The following GALC variants were observed in gnomAD, a reference collection of about 807,000 sequenced individuals.
GALC encodes galactosylceramidase.
A neutral mutation model predicts 91.8 loss-of-function variants in GALC; 77 were observed. That is an observed-to-expected ratio of 0.84 (90% CI 0.70 to 1.01). GALC has a LOEUF of 1.01. GALC is among the 50% of genes least tolerant of loss of function. The pLI, the probability that GALC is intolerant of heterozygous loss-of-function variation, is 0.00. For missense variants in GALC, 882 were observed against 855.9 expected (o/e 1.03, Z -0.38); for synonymous variants, 357 against 306.7 (o/e 1.16, Z -1.71).
Position 87,952,804 on chromosome 14 carries a change from A to G in GALC, c.1162-2056T>C, listed in dbSNP as rs189212207. On this transcript the variant is annotated intron_variant, in intron 10 of 16. Coordinates refer to ENST00000261304, the MANE Select transcript of GALC (RefSeq NM_000153.4). The stretch of plus-strand genomic sequence containing the variant: ...TCTGAAACACAGAATATAGAATCCC[A>G]GAAGATTCACTCCTCTAGACTGAGT... 731 of 1,487,480 alleles carry G rather than the reference A, an allele frequency of 4.9e-4. 5 individuals are homozygous for G. In the African/African-American group the frequency reaches 9.2e-3, roughly 19 times the overall value. The allele number at this position is 1,487,480 out of a possible 1,614,324, so 92.1% of individuals were successfully genotyped here. A position where few individuals can be genotyped will look rare whatever the true frequency, so the allele number is the denominator to read the frequency against.
rs748348344 is a variant in GALC, at chr14:87,984,427, C to T, written c.549G>A (p.Lys183=). 2 of 1,614,016 alleles carry T rather than the reference C, an allele frequency of 1.2e-6. No individual in the cohort carries two copies. The highest frequency in any genetic ancestry group is 1.7e-5 in the Admixed American group (1 of 60,018). Residue 183 remains lysine (K), a synonymous_variant, in exon 5 of 17, where the codon AAG becomes AAA. Coordinates refer to ENST00000261304, the MANE Select transcript of GALC (RefSeq NM_000153.4). ...AATCAATGTCCAAATCATGGTAACG[C>T]TTGGCGCCCACAATCCAGGTCACGA... The part of the protein sequence containing the change: ...YYVVTWIVGA[K]RYHDLDIDYI...
At chr14:87,992,755 A>G in intron 1 of GALC, 1 of 1,416,388 alleles carries the variant, frequency 7.1e-7, no homozygotes, top group Non-Finnish European at 9.2e-7. Flanking sequence ...ATTTGTTCAA[A>G]CCTAACTGCC....
intron 10 of GALC, chr14:87,955,072 G>A (rs554076193): frequency 2.8e-4 from 380 of 1,335,710 alleles, no homozygotes; most frequent in Non-Finnish European, 3.6e-4. Flanking sequence ...GGCAGTCAGC[G>A]CAGAACCTTG....
chr14:87,962,578 TACAC>T (rs36205603), intron 10 of GALC, among the ~76,000 whole-genome samples: 16,259 of 146,120 alleles, frequency 0.11, 933 homozygotes, highest in East Asian at 0.13. Flanking sequence ...CCTGATATGA[TACAC>T]ACACACACAC....
In GALC at chr14:87,939,995, A is replaced by G; in HGVS notation, c.1835-14T>C. 2.5e-6 allele frequency: 4 copies of G among 1,584,614 alleles called. No homozygotes were observed. The highest frequency in any genetic ancestry group is 1.3e-5 in the African/African-American group (1 of 74,346). On this transcript the variant is annotated splice_polypyrimidine_tract_variant and intron_variant, in intron 15 of 16. Coordinates refer to ENST00000261304, the MANE Select transcript of GALC (RefSeq NM_000153.4). Reference sequence around the variant, plus strand: ...TAATCCATCCAGCTGTAACACAAAAATATTATCCCAATAGATATAATTTTG... The same window carrying G: ...TAATCCATCCAGCTGTAACACAAAAGTATTATCCCAATAGATATAATTTTG...
chr14:87,976,551 T>C, intron 6 of GALC, 63 bp from the exon 7 acceptor site: 2 of 1,293,760 alleles, frequency 1.5e-6, no homozygotes, highest in Non-Finnish European at 2.2e-6. Context: ...GTTGAATTTA[T>C]GACCAAGATA....
chr14:87,954,282 A>G (rs1885427477), intron 10 of GALC: 5 of 1,550,922 alleles, frequency 3.2e-6, no homozygotes, highest in Non-Finnish European at 3.6e-6. Context: ...AGTCCACACA[A>G]TACTAAGAGT....
intron 10 of GALC, among the ~76,000 whole-genome samples, chr14:87,956,147 C>CT (rs560654685): frequency 3.9e-5 from 6 of 152,042 alleles, no homozygotes; most frequent in Non-Finnish European, 8.8e-5. Flanking sequence ...ATTAGTGTAA[C>CT]TTACAGTGAG....
In GALC at chr14:87,947,805, G is replaced by A. The variant is rs751972866; in HGVS notation, c.1412C>T (p.Thr471Ile). ...DELFTLTTLT[T>I]GRKGSYPLPP... is the part of the protein sequence containing the mutation. The stretch of plus-strand genomic sequence containing the variant: ...AAGCGGGTAGCTGCCTTTGCGACCA[G>A]TGGTGAGAGTGGTGAGTGTGAACAG... Residue 471 changes from threonine (T) to isoleucine (I), a missense_variant, in exon 13 of 17, where the codon ACT becomes ATT. Physicochemically the swap from Thr to Ile is moderately conservative, Grantham distance 89 (BLOSUM62 -1). Coordinates refer to ENST00000261304, the MANE Select transcript of GALC (RefSeq NM_000153.4). 2.5e-6 allele frequency: 4 copies of A among 1,612,624 alleles called. No homozygotes were observed. Among genetic ancestry groups the A allele is most frequent in the Non-Finnish European group, 3.4e-6 (4 of 1,179,104 alleles).
At chr14:87,962,181 C>T (rs368342928) in intron 10 of GALC, among the ~76,000 whole-genome samples, 1 of 152,108 alleles carries the variant, frequency 6.6e-6, no homozygotes, top group South Asian at 2.1e-4. Flanking sequence ...CTATTTGCAG[C>T]CAGTTTACCA....
chr14:87,993,389 C>G (rs1421750416), upstream of GALC: 1 of 1,535,868 alleles, frequency 6.5e-7, no homozygotes, highest in African/African-American at 1.4e-5. Context: ...TTACTGCTGG[C>G]TTCTCTTCCG....
upstream of GALC, chr14:87,993,233 G>A (rs1887315280): frequency 6.5e-7 from 1 of 1,545,914 alleles, no homozygotes; most frequent in Non-Finnish European, 8.7e-7. Flanking sequence ...ATACGGGCAG[G>A]AGGCCGCTGA....
intron 11 of GALC, 37 bp downstream of exon 11, chr14:87,950,622 A>C: frequency 7.8e-7 from 1 of 1,284,976 alleles, no homozygotes; most frequent in Non-Finnish European, 1.1e-6. Flanking sequence ...TAAATTCTTA[A>C]ATCAAAACTA....
chr14:87,941,123 C>T (rs1011583502), intron 15 of GALC, among the ~76,000 whole-genome samples: 8 of 151,898 alleles, frequency 5.3e-5, no homozygotes, highest in African/African-American at 1.7e-4. Context: ...ACTATCTATG[C>T]AAATCCTATC....
At position 87,942,431 on chromosome 14, in the gene GALC, A is replaced by G. The variant is rs72629368; in HGVS notation, c.1671-873T>C. On this transcript the variant is annotated intron_variant, in intron 14 of 16. Coordinates refer to ENST00000261304, the MANE Select transcript of GALC (RefSeq NM_000153.4). ...GAGCTTTTACAGTGAGCTCTCCTCC[A>G]GGTTTCCTCTTACAAATGCTACCAG... Among the ~76,000 whole-genome samples, 1,214 of 152,150 alleles carry G rather than the reference A, an allele frequency of 8.0e-3. 53 individuals carry two copies. In the East Asian group the frequency reaches 0.12, roughly 15 times the overall value.
intron 10 of GALC, among the ~76,000 whole-genome samples, chr14:87,956,088 A>T (rs1030810546): frequency 1.6e-4 from 24 of 152,188 alleles, no homozygotes; most frequent in African/African-American, 5.5e-4. Context: ...CTTTGGAACA[A>T]TTTAAGTCCC....
At chr14:87,975,659 T>C (rs1202618434) in intron 7 of GALC, among the ~76,000 whole-genome samples, 1 of 152,078 alleles carries the variant, frequency 6.6e-6, no homozygotes, top group Non-Finnish European at 1.5e-5. Flanking sequence ...TTCTGCCTAT[T>C]TTTGTGTACA....
Position 87,965,554 on chromosome 14 carries a change from C to T in GALC, c.984G>A (p.Gln328=), listed in dbSNP as rs12888666. The T allele has an allele frequency of 0.36, 578,182 of 1,612,286 alleles. 108,594 individuals carry two copies. Among genetic ancestry groups the T allele is most frequent in the East Asian group, 0.61 (27,245 of 44,806 alleles). ...PYGRCGLMTA[Q]EPWSGHYVVE... is the part of the protein sequence containing the mutation. ...CCACGTAGTGCCCACTCCATGGCTC[C>T]TGGGCCGTCATCAACCCGCATCTCC... The change falls in exon 9 of 17, where the codon CAG becomes CAA. Residue 328 remains glutamine, a synonymous_variant. Transcript: ENST00000261304.
Position 87,945,637 on chromosome 14 carries a change from G to A in GALC, c.1586C>T (p.Thr529Met), listed in dbSNP as rs200960659. 168 of 1,609,134 alleles carry A rather than the reference G, an allele frequency of 1.0e-4. No homozygotes were observed. Among genetic ancestry groups the A allele is most frequent in the Non-Finnish European group, 1.3e-4 (157 of 1,175,940 alleles). The change falls in exon 14 of 17, where the codon ACG becomes ATG. Residue 529 changes from threonine (T) to methionine (M), a missense_variant. Physicochemically the swap from Thr to Met is moderately conservative, Grantham distance 81 (BLOSUM62 -1). Coordinates refer to ENST00000261304, the MANE Select transcript of GALC (RefSeq NM_000153.4). ...TCTCTGGTTGAGAACTTGGCGTAGC[G>A]TGAAGTGATGCTCGCCAGGGTCTTC... ...NIEDPGEHHFTLRQVLNQRPI... is the reference protein window; with the variant it reads ...NIEDPGEHHFMLRQVLNQRPI...
Sources: allele counts gnomAD v4.1 joint callset (sites outside exome capture counted in the v4.1 genomes callset), GRCh38; gene constraint gnomAD v4.1.1; transcripts MANE v1.5; gene names NCBI Gene and HGNC (gene_info 2026-07-23, HGNC 2026-07-21).